The following GPR89B variants were observed in gnomAD, a reference collection of about 807,000 sequenced individuals.
GPR89B encodes G protein-coupled receptor 89B.
In GPR89B, 25 loss-of-function variants were observed where a neutral mutation model predicts 52.4. The ratio of observed to expected loss-of-function variants is 0.48; its 90% CI spans 0.35 to 0.67. The LOEUF (loss-of-function observed/expected upper bound fraction) is 0.67. Ranked by LOEUF, GPR89B falls within the 30% of genes least tolerant of loss-of-function variation. GPR89B has a pLI of 0.01. For synonymous variants in GPR89B, 52 were observed against 151.2 expected (o/e 0.34, Z 4.81); for missense variants, 146 against 450.2 (o/e 0.32, Z 6.11).
intron 7 of GPR89B, among the ~76,000 whole-genome samples, chr1:147,963,709 G>T (rs1277258376): frequency 6.6e-6 from 1 of 152,016 alleles, no homozygotes; most frequent in African/African-American, 2.4e-5. Flanking sequence ...TAATAAGAAT[G>T]CAGAGCAACT....
intron 5 of GPR89B, among the ~76,000 whole-genome samples, chr1:147,949,934 C>G (rs1416614524): frequency 2.1e-5 from 3 of 139,618 alleles, no homozygotes; most frequent in Non-Finnish European, 4.7e-5. Context: ...GCTGACCCCC[C>G]CACCTCCCTC....
At chr1:147,970,491 A>ATCTCTCTCTCTCTCTCTCTCTCTC (rs1174595676) in intron 10 of GPR89B, among the ~76,000 whole-genome samples, 26 of 105,798 alleles carry the variant, frequency 2.5e-4, no homozygotes, top group African/African-American at 4.8e-4. Context: ...GTGAGACTCC[A>ATCTCTCTCTCTCTCTCTCTCTCTC]TCTCTCTCTC....
rs587651890 is a variant in GPR89B at position 147,947,352 on chromosome 1, A to G, written c.415+3254A>G. Among the ~76,000 whole-genome samples, 734 of 151,290 alleles carry G rather than the reference A, an allele frequency of 4.9e-3. 3 individuals are homozygous for G. Among genetic ancestry groups the G allele is most frequent in the African/African-American group, 0.017 (694 of 40,994 alleles). On this transcript the variant is annotated intron_variant, in intron 5 of 13. Coordinates refer to ENST00000314163, the MANE Select transcript of GPR89B (RefSeq NM_016334.5). ...GACTCTCAAAAAAAAAAAAAAAAAG[A>G]TAAGACCAATCCTTATGTAAAATGA...
chr1:147,992,473 C>T, intron 12 of GPR89B, 29 bp from the exon 13 acceptor site: 1 of 1,610,730 alleles, frequency 6.2e-7, no homozygotes, highest in East Asian at 2.2e-5. Context: ...AACAGTACTG[C>T]ATAAATTTAT....
At chr1:147,958,299 A>G (rs1205178917) in intron 7 of GPR89B, among the ~76,000 whole-genome samples, 2 of 151,982 alleles carry the variant, frequency 1.3e-5, no homozygotes, top group Non-Finnish European at 2.9e-5. Context: ...AAACAATACT[A>G]TTTTGATTCC....
At chr1:148,001,437 ACAG>A in the GPR89B span, 1 of 663,610 alleles carries the variant, frequency 1.5e-6, no homozygotes, top group South Asian at 1.8e-5. Flanking sequence ...CTCGCCGTTG[ACAG>A]CAACTACCAG....
intron 10 of GPR89B, among the ~76,000 whole-genome samples, chr1:147,973,740 G>A (rs1287529304): frequency 2.0e-5 from 3 of 151,902 alleles, no homozygotes; most frequent in South Asian, 4.1e-4. Context: ...TGAAACCTTT[G>A]CCTGTGCCAT....
chr1:147,946,954 T>C (rs1553249893), intron 5 of GPR89B, among the ~76,000 whole-genome samples: 2 of 152,148 alleles, frequency 1.3e-5, no homozygotes, highest in Non-Finnish European at 2.9e-5. Context: ...AGGTAGTAGC[T>C]GAGAAGCAAC....
rs1359952309 is a variant in GPR89B, at chr1:147,978,664, C to T, written c.910-7535C>T. Among the ~76,000 whole-genome samples, 11 of 151,672 alleles carry T rather than the reference C, an allele frequency of 7.3e-5. 1 individual carries two copies. Among genetic ancestry groups the T allele is most frequent in the African/African-American group, 2.7e-4 (11 of 41,104 alleles). On this transcript the variant is annotated intron_variant, in intron 10 of 13. Transcript: ENST00000314163. ...GGGAGATCAGTTCTGCTCATAAACCCCTACCTGGAGTTGCTGACATTTCTG... is the reference window on the plus strand; with the variant it reads ...GGGAGATCAGTTCTGCTCATAAACCTCTACCTGGAGTTGCTGACATTTCTG...
the GPR89B span, among the ~76,000 whole-genome samples, chr1:148,000,070 G>A: frequency 6.6e-6 from 1 of 152,046 alleles, no homozygotes; most frequent in Non-Finnish European, 1.5e-5. Flanking sequence ...GTCTTTTTCT[G>A]TAGTCCTCAA....
At chr1:148,000,119 T>C in the GPR89B span, among the ~76,000 whole-genome samples, 1 of 152,096 alleles carries the variant, frequency 6.6e-6, no homozygotes, top group Non-Finnish European at 1.5e-5. Flanking sequence ...AATTTACTTT[T>C]AGGTTAGTAT....
chr1:148,019,019 C>T, the GPR89B span, among the ~76,000 whole-genome samples: 8 of 151,510 alleles, frequency 5.3e-5, no homozygotes, highest in East Asian at 1.6e-3. Context: ...GCTCTGTCAC[C>T]AGGCTGGGGT....
At chr1:147,981,330 T>TACAC (rs1164453500) in intron 10 of GPR89B, among the ~76,000 whole-genome samples, 2 of 147,832 alleles carry the variant, frequency 1.4e-5, no homozygotes, top group African/African-American at 2.5e-5. Context: ...CACACACACA[T>TACAC]ACACACACAC....
chr1:147,981,469 A>C lies in GPR89B; in HGVS notation c.910-4730A>C, dbSNP rs1359684065. Among the ~76,000 whole-genome samples the C allele has an allele frequency of 4.9e-3, 693 of 142,830 alleles. 10 individuals carry two copies. Among genetic ancestry groups the C allele is most frequent in the African/African-American group, 0.017 (654 of 37,450 alleles). The allele number at this position is 142,830 out of a possible 152,430, so 93.7% of individuals were successfully genotyped here. ...CAGTGAGCCGTGATTGTGCCACCAC[A>C]CTCCAGCAGGCAGCAGAGCAAGACT... On this transcript the variant is annotated intron_variant, in intron 10 of 13. Coordinates refer to ENST00000314163, the MANE Select transcript of GPR89B (RefSeq NM_016334.5).
At chr1:147,947,100 C>G (rs1296051603) in intron 5 of GPR89B, among the ~76,000 whole-genome samples, 2 of 151,890 alleles carry the variant, frequency 1.3e-5, no homozygotes, top group South Asian at 2.1e-4. Context: ...TTTGGGAGGC[C>G]AAGGCAGGGA....
downstream of GPR89B, chr1:147,995,923 G>A (rs1659305441): frequency 5.7e-6 from 8 of 1,410,552 alleles, no homozygotes; most frequent in Non-Finnish European, 8.0e-6. Flanking sequence ...ATTTCAAACA[G>A]AGAAGGGGAC....
intron 5 of GPR89B, among the ~76,000 whole-genome samples, chr1:147,949,583 C>T (rs1655364779): frequency 7.2e-6 from 1 of 138,402 alleles, no homozygotes; most frequent in East Asian, 2.2e-4. Context: ...GCTGACCCCC[C>T]CACCTCCCTC....
intron 3 of GPR89B, among the ~76,000 whole-genome samples, chr1:147,940,800 GC>G: frequency 6.6e-6 from 1 of 151,408 alleles, no homozygotes; most frequent in Non-Finnish European, 1.5e-5. Flanking sequence ...ATATTCTAAA[GC>G]TATATTTACT....
chr1:147,962,297 G>T lies in GPR89B; in HGVS notation c.618-4257G>T, dbSNP rs1484833181. On this transcript the variant is annotated intron_variant, in intron 7 of 13. Transcript: ENST00000314163. ...AAATTAGCTGGACATGGTGGCATGC[G>T]CCTGTAGTCCCAGCTACTTGGGAGG... is the stretch of plus-strand genomic sequence containing the variant. 1.6e-4 allele frequency among the ~76,000 whole-genome samples: 24 copies of T among 151,420 alleles called. No individual in the cohort carries two copies. In the South Asian group the frequency reaches 4.6e-3, roughly 29 times the overall value.
Sources: allele counts gnomAD v4.1 joint callset (sites outside exome capture counted in the v4.1 genomes callset), GRCh38; gene constraint gnomAD v4.1.1; transcripts MANE v1.5; gene names NCBI Gene and HGNC (gene_info 2026-07-23, HGNC 2026-07-21).